Variants in GRM7 observed in about 807,000 individuals in gnomAD.
GRM7 encodes glutamate metabotropic receptor 7, also known as metabotropic glutamate receptor 7.
Under a neutral mutation model 84.5 loss-of-function variants are expected in GRM7, and 35 were observed. That is an observed-to-expected ratio of 0.41 (90% CI 0.32 to 0.55). The LOEUF is 0.55. Among genes scored for constraint, GRM7 ranks in the 20% least tolerant of loss-of-function variants. The pLI is 0.19. For synonymous variants in GRM7, 487 were observed against 455.1 expected (o/e 1.07, Z -0.89); for missense variants, 1,003 against 1,194.6 (o/e 0.84, Z 2.36).
At chr3:7,544,269 G>A (rs530418288) in intron 7 of GRM7, among the ~76,000 whole-genome samples, 7 of 152,164 alleles carry the variant, frequency 4.6e-5, no homozygotes, top group African/African-American at 9.7e-5. Flanking sequence ...CTCAAGGGAA[G>A]CTCCTGCCTT....
intron 7 of GRM7, among the ~76,000 whole-genome samples, chr3:7,556,564 A>G (rs1693769960): frequency 6.6e-6 from 1 of 152,094 alleles, no homozygotes; most frequent in South Asian, 2.1e-4. Context: ...GATACTTATT[A>G]GTTGTCTGTT....
chr3:7,330,269 C>G (rs1234219042), intron 4 of GRM7, among the ~76,000 whole-genome samples: 1 of 152,118 alleles, frequency 6.6e-6, no homozygotes, highest in Non-Finnish European at 1.5e-5. Flanking sequence ...TTCAGTGATT[C>G]TATAATGGTA....
intron 4 of GRM7, among the ~76,000 whole-genome samples, chr3:7,326,273 A>C (rs1046712397): frequency 7.6e-6 from 1 of 132,378 alleles, no homozygotes; most frequent in South Asian, 2.3e-4. Context: ...ATAATTATTG[A>C]ATAGGTGTCT....
At chr3:7,110,128 C>G (rs932084854) in intron 1 of GRM7, among the ~76,000 whole-genome samples, 2 of 152,050 alleles carry the variant, frequency 1.3e-5, no homozygotes, top group African/African-American at 4.8e-5. Flanking sequence ...AAACTTCAAT[C>G]TACCTACTAT....
At chr3:7,642,192 C>T (rs375548737) in intron 8 of GRM7, among the ~76,000 whole-genome samples, 88 of 152,184 alleles carry the variant, frequency 5.8e-4, no homozygotes, top group African/African-American at 2.0e-3. Context: ...TAGGAATATA[C>T]ATTCCTAGCA....
intron 6 of GRM7, among the ~76,000 whole-genome samples, chr3:7,458,432 G>C (rs1698108291): frequency 6.6e-6 from 1 of 152,254 alleles, no homozygotes; most frequent in East Asian, 1.9e-4. Context: ...CATGGATGCT[G>C]TTAAAAAGGA....
chr3:7,649,258 A>G (rs1698814750), intron 8 of GRM7, among the ~76,000 whole-genome samples: 1 of 151,798 alleles, frequency 6.6e-6, no homozygotes, highest in African/African-American at 2.4e-5. Context: ...TTTAGTAGAG[A>G]CGGGGTTTCA....
At chr3:6,865,081 G>C (rs973195168) in intron 1 of GRM7, among the ~76,000 whole-genome samples, 1 of 152,276 alleles carries the variant, frequency 6.6e-6, no homozygotes, top group Non-Finnish European at 1.5e-5. Context: ...TGTGGCCAGG[G>C]CTCTGCCAAC....
intron 2 of GRM7, among the ~76,000 whole-genome samples, chr3:7,269,489 T>C (rs951737227): frequency 6.6e-5 from 10 of 152,160 alleles, no homozygotes; most frequent in Non-Finnish European, 1.3e-4. Context: ...GTTGGCTTCC[T>C]GCATCTTAAT....
chr3:7,126,627 T>C (rs1025150509), intron 1 of GRM7, among the ~76,000 whole-genome samples: 2 of 152,222 alleles, frequency 1.3e-5, no homozygotes, highest in African/African-American at 4.8e-5. Flanking sequence ...AGTTAGCTAC[T>C]ACCACTCATA....
At chr3:6,947,197 G>T (rs1324164051) in intron 1 of GRM7, among the ~76,000 whole-genome samples, 1 of 152,126 alleles carries the variant, frequency 6.6e-6, no homozygotes, top group Admixed American at 6.6e-5. Flanking sequence ...GTTTGTCGTA[G>T]ATAGCTCTTA....
chr3:7,463,634 G>A (rs137984445), intron 7 of GRM7, among the ~76,000 whole-genome samples: 116 of 152,136 alleles, frequency 7.6e-4, no homozygotes, highest in African/African-American at 2.7e-3. Context: ...GTGGTAGAGA[G>A]GATAATGGAG....
chr3:7,099,088 A>T (rs1026052752), intron 1 of GRM7, among the ~76,000 whole-genome samples: 4 of 151,600 alleles, frequency 2.6e-5, no homozygotes, highest in Non-Finnish European at 5.9e-5. Context: ...TTCAGGCATA[A>T]TGTTCTTTAA....
chr3:7,697,312 T>G (rs1384229560), intron 9 of GRM7, among the ~76,000 whole-genome samples: 3 of 152,294 alleles, frequency 2.0e-5, no homozygotes, highest in African/African-American at 7.2e-5. Context: ...TGCTTGCAAA[T>G]TCAGCATCTT....
chr3:7,193,002 C>T (rs548284934), intron 2 of GRM7, among the ~76,000 whole-genome samples: 8 of 152,234 alleles, frequency 5.3e-5, no homozygotes, highest in African/African-American at 1.7e-4. Flanking sequence ...GCATTCTCCA[C>T]GGGTTTATCT....
At chr3:7,252,945 C>T (rs1385252847) in intron 2 of GRM7, among the ~76,000 whole-genome samples, 3 of 149,532 alleles carry the variant, frequency 2.0e-5, no homozygotes, top group Admixed American at 6.7e-5. Context: ...CTGCCTCAGC[C>T]TCCCAAAGTG....
chr3:7,514,068 T>G (rs1051624970), intron 7 of GRM7, among the ~76,000 whole-genome samples: 1 of 152,232 alleles, frequency 6.6e-6, no homozygotes, highest in Admixed American at 6.5e-5. Flanking sequence ...TGGCATCCGA[T>G]TTATAGTTCT....
intron 8 of GRM7, among the ~76,000 whole-genome samples, chr3:7,629,595 G>A (rs1190728096): frequency 6.6e-6 from 1 of 152,128 alleles, no homozygotes; most frequent in Non-Finnish European, 1.5e-5. Flanking sequence ...TGCATTGGGG[G>A]TTAGGGCTGC....
rs540869614 is a variant in GRM7 at position 7,179,997 on chromosome 3, A to G, written c.736+33329A>G. On this transcript the variant is annotated intron_variant, in intron 2 of 9. Coordinates refer to ENST00000357716, the MANE Select transcript of GRM7 (RefSeq NM_000844.4). ...GAGTTAGAAACGCTTTAAACTGGTT[A>G]ACAGGGAATTTCAAAATTTAATTGA... is the stretch of plus-strand genomic sequence containing the variant. 2.0e-5 allele frequency among the ~76,000 whole-genome samples: 3 copies of G among 152,328 alleles called. No homozygotes were observed. The South Asian group carries it at 6.2e-4, about 32-fold the overall frequency.
Sources: gnomAD v4.1 joint callset for allele counts (sites outside exome capture counted in the v4.1 genomes callset) on GRCh38, gnomAD v4.1.1 for gene constraint, MANE v1.5 for transcripts, NCBI Gene and HGNC (gene_info 2026-07-23, HGNC 2026-07-21) for gene names.